PALM2AKAP2: variants seen among roughly 807,000 people sequenced by gnomAD.
The protein encoded by PALM2AKAP2 is PALM2-AKAP2 fusion protein.
A neutral mutation model predicts 71.5 loss-of-function variants in PALM2AKAP2; 37 were observed. The ratio of observed to expected loss-of-function variants is 0.52; its 90% CI spans 0.40 to 0.68. The LOEUF (loss-of-function observed/expected upper bound fraction) is 0.68. Ranked by LOEUF, PALM2AKAP2 falls within the 30% of genes least tolerant of loss-of-function variation. The pLI, the probability that PALM2AKAP2 is intolerant of heterozygous loss-of-function variation, is 0.00. For missense variants in PALM2AKAP2, 1,224 were observed against 1,191.8 expected (o/e 1.03, Z -0.40); for synonymous variants, 468 against 478.8 (o/e 0.98, Z 0.29).
chr9:109,865,501 A>G (rs1224562912), intron 1 of PALM2AKAP2, among the ~76,000 whole-genome samples: 1 of 152,048 alleles, frequency 6.6e-6, no homozygotes, highest in Admixed American at 6.6e-5. Flanking sequence ...TGAGCATGTA[A>G]AGGTCCACTG....
At position 109,685,013 on chromosome 9, in the gene PALM2AKAP2, T is replaced by C. The variant is rs183187169; in HGVS notation, c.5+44147T>C. Among the ~76,000 whole-genome samples the C allele has an allele frequency of 1.2e-3, 178 of 152,308 alleles. 1 individual carries two copies. The highest frequency in any genetic ancestry group is 4.0e-3 in the African/African-American group (168 of 41,576). ...ATACACACAAAACATGAATGAATCT[T>C]AAAGGATTATACTAAGTAGAGAAAC... On this transcript the variant is annotated intron_variant, in intron 1 of 6. Coordinates refer to the PALM2AKAP2 transcript ENST00000374531.
chr9:109,920,491 T>C (rs1231816786), intron 3 of PALM2AKAP2, among the ~76,000 whole-genome samples: 2 of 151,886 alleles, frequency 1.3e-5, no homozygotes, highest in Non-Finnish European at 2.9e-5. Context: ...GCGGTTCTCC[T>C]GCCTCAGCCT....
chr9:110,095,238 C>T (rs980122219), intron 1 of PALM2AKAP2, among the ~76,000 whole-genome samples: 4 of 152,316 alleles, frequency 2.6e-5, no homozygotes, highest in South Asian at 4.1e-4. Context: ...CAGAAAACCT[C>T]AGAAAATCCC....
chr9:110,002,105 G>C (rs975809773), intron 6 of PALM2AKAP2, among the ~76,000 whole-genome samples: 1 of 152,188 alleles, frequency 6.6e-6, no homozygotes, highest in African/African-American at 2.4e-5. Flanking sequence ...TTTTCAAAGA[G>C]AATGCTTCCA....
chr9:109,770,732 T>C (rs1372812224), intron 1 of PALM2AKAP2, among the ~76,000 whole-genome samples: 2 of 152,188 alleles, frequency 1.3e-5, no homozygotes, highest in Admixed American at 1.3e-4. Context: ...TCAGGAGTTT[T>C]TACTGGAACA....
chr9:109,899,751 T>A (rs1044520022), intron 3 of PALM2AKAP2, among the ~76,000 whole-genome samples: 3 of 152,216 alleles, frequency 2.0e-5, no homozygotes, highest in Non-Finnish European at 4.4e-5. Context: ...GTTCTTTGGA[T>A]CTACTGTCCC....
At chr9:109,975,658 G>A (rs527482563) in intron 6 of PALM2AKAP2, among the ~76,000 whole-genome samples, 3 of 152,086 alleles carry the variant, frequency 2.0e-5, no homozygotes, top group African/African-American at 4.8e-5. Context: ...TTTGAGTGTC[G>A]ACTTGCTTTA....
At chr9:109,914,693 C>T (rs1433067680) in intron 3 of PALM2AKAP2, among the ~76,000 whole-genome samples, 1 of 152,188 alleles carries the variant, frequency 6.6e-6, no homozygotes, top group Non-Finnish European at 1.5e-5. Flanking sequence ...TCCTTTTATT[C>T]GGAGAGTAGT....
chr9:110,149,467 A>G (rs915624262), intron 2 of PALM2AKAP2, among the ~76,000 whole-genome samples: 1 of 152,260 alleles, frequency 6.6e-6, no homozygotes, highest in Non-Finnish European at 1.5e-5. Context: ...ATATTTTAAA[A>G]TTAATTTGTG....
intron 3 of PALM2AKAP2, among the ~76,000 whole-genome samples, chr9:109,893,551 C>G (rs1029556243): frequency 2.0e-5 from 3 of 152,118 alleles, no homozygotes; most frequent in Non-Finnish European, 2.9e-5. Context: ...TCAAGTGATT[C>G]TCTCGTGCCT....
At chr9:110,110,056 T>C (rs993747500) in intron 1 of PALM2AKAP2, among the ~76,000 whole-genome samples, 3 of 152,172 alleles carry the variant, frequency 2.0e-5, no homozygotes, top group Non-Finnish European at 4.4e-5. Flanking sequence ...AATGATGTAT[T>C]ATATATTGTA....
chr9:110,023,449 G>A (rs1283219137), intron 7 of PALM2AKAP2, among the ~76,000 whole-genome samples: 1 of 151,412 alleles, frequency 6.6e-6, no homozygotes, highest in African/African-American at 2.4e-5. Flanking sequence ...GAGTAGATGG[G>A]ATTAACAGGC....
chr9:110,137,409 A>G, exon 2 of PALM2AKAP2: 1 of 1,614,214 alleles, frequency 6.2e-7, no homozygotes, highest in Non-Finnish European at 8.5e-7. Flanking sequence ...GCCAAGGGAC[A>G]GAAATCCCCC....
chr9:109,867,174 G>C lies in PALM2AKAP2; in HGVS notation c.46-317G>C, dbSNP rs1049104465. ...ACAGAACATGGTTCTCTGTGTGTGT[G>C]TGTGTGTGTGTGTGTGTGTGTGTGT... is the stretch of plus-strand genomic sequence containing the variant. On this transcript the variant is annotated intron_variant, in intron 1 of 9. Transcript: ENST00000302798. 1.8e-3 allele frequency: 708 copies of C among 385,596 alleles called. 3 individuals are homozygous for C. The highest frequency in any genetic ancestry group is 0.011 in the African/African-American group (497 of 45,862). 23.9% of individuals were successfully genotyped at this position (385,596 alleles called of 1,614,324 possible).
chr9:109,769,936 T>A (rs1202776921), intron 1 of PALM2AKAP2, among the ~76,000 whole-genome samples: 1 of 152,178 alleles, frequency 6.6e-6, no homozygotes, highest in African/African-American at 2.4e-5. Flanking sequence ...CTGTTCTCCC[T>A]AGAAGAACTA....
chr9:110,095,452 G>C (rs2118826211), intron 1 of PALM2AKAP2, among the ~76,000 whole-genome samples: 1 of 152,250 alleles, frequency 6.6e-6, no homozygotes, highest in Non-Finnish European at 1.5e-5. Flanking sequence ...TGAGCTGCTT[G>C]TGTTTTGGTT....
At chr9:109,866,588 C>T (rs572008151) in intron 1 of PALM2AKAP2, among the ~76,000 whole-genome samples, 282 of 152,308 alleles carry the variant, frequency 1.9e-3, no homozygotes, top group African/African-American at 6.6e-3. Flanking sequence ...TATCCCTTTA[C>T]AACCAGCTTC....
chr9:109,821,056 T>C (rs554900261), intron 1 of PALM2AKAP2, among the ~76,000 whole-genome samples: 16 of 152,302 alleles, frequency 1.1e-4, no homozygotes, highest in Admixed American at 2.0e-4. Flanking sequence ...GTCTTCTCAA[T>C]TTCCAGTCAT....
At chr9:109,990,390 G>A (rs941004153) in intron 6 of PALM2AKAP2, among the ~76,000 whole-genome samples, 4 of 152,164 alleles carry the variant, frequency 2.6e-5, no homozygotes, top group East Asian at 1.9e-4. Flanking sequence ...GGGTTGGCTA[G>A]ATGTCTTCAT....
Sources: gnomAD v4.1 joint callset for allele counts (sites outside exome capture counted in the v4.1 genomes callset) on GRCh38, gnomAD v4.1.1 for gene constraint, MANE v1.5 for transcripts, NCBI Gene and HGNC (gene_info 2026-07-23, HGNC 2026-07-21) for gene names.